Variants in RASGRF2 observed in about 807,000 individuals in gnomAD.
RASGRF2 encodes the protein Ras protein specific guanine nucleotide releasing factor 2.
RASGRF2 carries 76 observed loss-of-function variants against 151.0 expected under a neutral mutation model. The ratio of observed to expected loss-of-function variants is 0.50; its 90% CI spans 0.42 to 0.61. RASGRF2 has a LOEUF of 0.61. RASGRF2 is among the 20% of genes least tolerant of loss of function. The pLI is 0.00. For synonymous variants in RASGRF2, 504 were observed against 566.5 expected (o/e 0.89, Z 1.57); for missense variants, 1,148 against 1,564.6 (o/e 0.73, Z 4.49).
At chr5:81,053,233 A>G (rs1255460710) in intron 2 of RASGRF2, among the ~76,000 whole-genome samples, 3 of 149,998 alleles carry the variant, frequency 2.0e-5, no homozygotes, top group Non-Finnish European at 3.0e-5. Flanking sequence ...CCATTAACTC[A>G]TCATTTACAT....
chr5:81,219,766 T>G lies in RASGRF2; in HGVS notation c.3609T>G (p.Asp1203Glu). The change falls in exon 26 of 27, where the codon GAT becomes GAG. Residue 1203 changes from aspartate to glutamate, a missense_variant. Physicochemically the swap from Asp to Glu is conservative, Grantham distance 45. Transcript: ENST00000265080. ...RQFQQTSYRI[D>E]HQPKVAQYLL... ...TCCAGCAGACTTCCTACAGAATAGATCATCAGCCAAAGGTAATATTATGTG... is the reference window on the plus strand; with the variant it reads ...TCCAGCAGACTTCCTACAGAATAGAGCATCAGCCAAAGGTAATATTATGTG... The G allele has an allele frequency of 6.2e-7, 1 of 1,604,436 alleles. No individual in the cohort carries two copies.
intron 17 of RASGRF2, among the ~76,000 whole-genome samples, chr5:81,146,492 T>G (rs1477310084): frequency 6.6e-6 from 1 of 152,134 alleles, no homozygotes; most frequent in African/African-American, 2.4e-5. Context: ...AAGACAAAGC[T>G]GGAAAGAAAC....
At chr5:80,967,637 T>A (rs1747765248) in intron 1 of RASGRF2, among the ~76,000 whole-genome samples, 1 of 152,224 alleles carries the variant, frequency 6.6e-6, no homozygotes, top group Non-Finnish European at 1.5e-5. Flanking sequence ...ATTCATTTCC[T>A]GGACTGTATT....
intron 17 of RASGRF2, among the ~76,000 whole-genome samples, chr5:81,132,430 G>A (rs1215695683): frequency 6.6e-6 from 1 of 152,186 alleles, no homozygotes; most frequent in Non-Finnish European, 1.5e-5. Flanking sequence ...GATCTGGGGA[G>A]GTGATACCAG....
In RASGRF2 at chr5:81,085,888, A is replaced by G. The variant is rs773631308; in HGVS notation, c.1248A>G (p.Lys416=). ...HVERKSLEFA[K]SKLEELSRVM... ...AAAGGAAAAGCCTGGAGTTTGCCAA[A>G]TCAAAGCTAGAGGAACTATCCAGGT... Residue 416 remains lysine (K), a synonymous_variant, in exon 8 of 27, where the codon AAA becomes AAG. Transcript: ENST00000265080. 4 of 1,613,994 alleles carry G rather than the reference A, an allele frequency of 2.5e-6. No individual in the cohort carries two copies. The highest frequency in any genetic ancestry group is 3.4e-6 in the Non-Finnish European group (4 of 1,180,018).
intron 1 of RASGRF2, among the ~76,000 whole-genome samples, chr5:81,006,615 G>C (rs1049512785): frequency 1.6e-4 from 25 of 151,986 alleles, no homozygotes. Context: ...CCTTTGCTGG[G>C]GTTCAGAAGC....
At chr5:81,095,302 C>T (rs185159975) in intron 12 of RASGRF2, among the ~76,000 whole-genome samples, 49 of 152,228 alleles carry the variant, frequency 3.2e-4, no homozygotes, top group African/African-American at 1.2e-3. Flanking sequence ...AATAAATTCT[C>T]TAATGACTCC....
At chr5:80,970,765 C>T (rs956154397) in intron 1 of RASGRF2, among the ~76,000 whole-genome samples, 3 of 152,132 alleles carry the variant, frequency 2.0e-5, no homozygotes, top group African/African-American at 2.4e-5. Flanking sequence ...GGGCTATGGA[C>T]GAGGGTGTTT....
intron 18 of RASGRF2, chr5:81,183,435 C>T (rs1249877478): frequency 2.5e-6 from 1 of 395,444 alleles, no homozygotes; most frequent in Non-Finnish European, 3.4e-6. Flanking sequence ...AGGATGTCAC[C>T]TCCTAACTCT....
rs1350063380 is a variant in RASGRF2, at chr5:81,208,270, T to A, written c.3072-84T>A. Reference sequence around the variant, plus strand: ...TAGGCCATGTCAAATGGAATTTTTCTAATATTCGTGACAACTGTCCAGGAT... The same window carrying A: ...TAGGCCATGTCAAATGGAATTTTTCAAATATTCGTGACAACTGTCCAGGAT... On this transcript the variant is annotated intron_variant, in intron 21 of 26. Coordinates refer to ENST00000265080, the MANE Select transcript of RASGRF2 (RefSeq NM_006909.3). 3.4e-6 allele frequency: 4 copies of A among 1,176,928 alleles called. No individual in the cohort carries two copies. The African/African-American group carries it at 6.2e-5, about 18-fold the overall frequency. The allele number at this position is 1,176,928 out of a possible 1,614,324, so 72.9% of individuals were successfully genotyped here. A position where few individuals can be genotyped will look rare whatever the true frequency, so the allele number is the denominator to read the frequency against.
Position 81,004,041 on chromosome 5 carries a change from A to C in RASGRF2, c.289-38836A>C, listed in dbSNP as rs192671235. Among the ~76,000 whole-genome samples the C allele has an allele frequency of 2.6e-3, 395 of 152,298 alleles. 4 individuals carry two copies. The highest frequency in any genetic ancestry group is 9.0e-3 in the African/African-American group (376 of 41,556). On this transcript the variant is annotated intron_variant, in intron 1 of 26. Coordinates refer to ENST00000265080, the MANE Select transcript of RASGRF2 (RefSeq NM_006909.3). ...GCACATGGTCCCACCCTCCAGTTTA[A>C]AAATTTCCTCTTGAAAGCAGGGTCC...
chr5:81,170,145 C>CTGCACCACCTGCATCACT (rs1383268033), intron 17 of RASGRF2, among the ~76,000 whole-genome samples: 1 of 152,070 alleles, frequency 6.6e-6, no homozygotes, highest in Non-Finnish European at 1.5e-5. Context: ...CCTGCATCAC[C>CTGCACCACCTGCATCACT]TGCACCACCT....
At chr5:80,986,633 G>A (rs920599526) in intron 1 of RASGRF2, among the ~76,000 whole-genome samples, 12 of 152,168 alleles carry the variant, frequency 7.9e-5, no homozygotes, top group Non-Finnish European at 1.8e-4. Context: ...ATAAGGAAAC[G>A]CAACAGTCTC....
chr5:80,968,574 A>G (rs1452049681), intron 1 of RASGRF2, among the ~76,000 whole-genome samples: 1 of 152,080 alleles, frequency 6.6e-6, no homozygotes, highest in Non-Finnish European at 1.5e-5. Context: ...TGTTTCTTTC[A>G]TGTTATAATA....
chr5:81,188,357 C>T lies in RASGRF2; in HGVS notation c.2793+8076C>T, dbSNP rs577556093. ...TGAAGAAGTTCAAGACTTTAAAAGC[C>T]CCTTTCCCTAAGCCTTCACCATGGC... On this transcript the variant is annotated intron_variant, in intron 18 of 26. Coordinates refer to ENST00000265080, the MANE Select transcript of RASGRF2 (RefSeq NM_006909.3). 2.0e-5 allele frequency among the ~76,000 whole-genome samples: 3 copies of T among 152,232 alleles called. No homozygotes were observed. The South Asian group carries it at 6.2e-4, about 32-fold the overall frequency.
Position 81,062,023 on chromosome 5 carries a change from A to AG in RASGRF2, c.396-6009_396-6008insG, listed in dbSNP as rs1561585849. 6.0e-5 allele frequency among the ~76,000 whole-genome samples: 9 copies of AG among 151,138 alleles called. 1 individual carries two copies. The highest frequency in any genetic ancestry group is 1.3e-4 in the Non-Finnish European group (9 of 67,876). On this transcript the variant is annotated intron_variant, in intron 2 of 26. Transcript: ENST00000265080. Reference sequence around the variant, plus strand: ...AAAAAAAAAAAAAAAAAAAAAAAAAAACTGTAGAGATGAGATCTTACTATG... The same window carrying AG: ...AAAAAAAAAAAAAAAAAAAAAAAAAAGACTGTAGAGATGAGATCTTACTATG...
rs1229020251 is a variant in RASGRF2 at position 81,225,832 on chromosome 5, G to A, written c.*62G>A. On this transcript the variant is annotated 3_prime_UTR_variant, in exon 27 of 27. Transcript: ENST00000265080. ...TGGAAAGCAGGACAGACAGAATTGT[G>A]TATGCCTTGCCTATCACGGTACAGC... 5.8e-6 allele frequency: 9 copies of A among 1,561,326 alleles called. No homozygotes were observed. Among genetic ancestry groups the A allele is most frequent in the Non-Finnish European group, 7.8e-6 (9 of 1,150,568 alleles).
intron 22 of RASGRF2, among the ~76,000 whole-genome samples, chr5:81,209,297 C>A (rs1343244897): frequency 6.6e-6 from 1 of 152,196 alleles, no homozygotes; most frequent in Non-Finnish European, 1.5e-5. Flanking sequence ...CCTCCCCGCT[C>A]TTCCTTAGTG....
At chr5:80,991,068 G>GTTTAT (rs1160167915) in intron 1 of RASGRF2, among the ~76,000 whole-genome samples, 1 of 152,162 alleles carries the variant, frequency 6.6e-6, no homozygotes, top group East Asian at 1.9e-4. Context: ...TTCACTGACA[G>GTTTAT]AATATCTGAA....
Sources: gnomAD v4.1 joint callset for allele counts (sites outside exome capture counted in the v4.1 genomes callset) on GRCh38, gnomAD v4.1.1 for gene constraint, MANE v1.5 for transcripts, NCBI Gene and HGNC (gene_info 2026-07-23, HGNC 2026-07-21) for gene names.